Variants in SLC8A1 observed in about 807,000 individuals in gnomAD.
SLC8A1 encodes the protein solute carrier family 8 member A1, also known as sodium/calcium exchanger 1.
SLC8A1 carries 18 observed loss-of-function variants against 68.3 expected under a neutral mutation model. That is an observed-to-expected ratio of 0.26 (90% CI 0.18 to 0.39). The LOEUF (loss-of-function observed/expected upper bound fraction) is 0.39. SLC8A1 is among the 10% of genes least tolerant of loss of function. The pLI is 1.00. For synonymous variants in SLC8A1, 475 were observed against 415.5 expected, an observed-to-expected ratio of 1.14 and a Z score of -1.74; for missense variants, 985 against 1,156.7, an observed-to-expected ratio of 0.85 and a Z score of 2.15.
intron 2 of SLC8A1, among the ~76,000 whole-genome samples, chr2:40,196,692 T>C (rs2053102988): frequency 6.6e-6 from 1 of 151,988 alleles, no homozygotes; most frequent in South Asian, 2.1e-4. Flanking sequence ...ACAGCAAATA[T>C]CATTAAGGGC....
At chr2:40,218,738 A>AG (rs2057871154) in intron 2 of SLC8A1, among the ~76,000 whole-genome samples, 1 of 151,526 alleles carries the variant, frequency 6.6e-6, no homozygotes, top group Non-Finnish European at 1.5e-5. Flanking sequence ...AAAAAAAAAA[A>AG]ACTAATTAAC....
At chr2:40,200,256 ATATATATAT>A (rs2054103751) in intron 2 of SLC8A1, among the ~76,000 whole-genome samples, 1 of 82,732 alleles carries the variant, frequency 1.2e-5, no homozygotes, top group African/African-American at 4.8e-5. Context: ...ATATATATAT[ATATATATAT>A]ATAACCTCTT....
At chr2:40,206,028 G>T (rs1332579178) in intron 2 of SLC8A1, among the ~76,000 whole-genome samples, 1 of 151,884 alleles carries the variant, frequency 6.6e-6, no homozygotes, top group Non-Finnish European at 1.5e-5. Context: ...TTAATGAAAA[G>T]ATTTGATTGG....
chr2:40,412,787 C>T (rs954906661), intron 2 of SLC8A1, among the ~76,000 whole-genome samples: 5 of 152,138 alleles, frequency 3.3e-5, no homozygotes, highest in Admixed American at 6.6e-5. Context: ...AAGACACCAA[C>T]CTCATTTTAC....
chr2:40,218,718 C>T (rs562703067), intron 2 of SLC8A1, among the ~76,000 whole-genome samples: 2 of 115,960 alleles, frequency 1.7e-5, no homozygotes, highest in Non-Finnish European at 4.2e-5. Flanking sequence ...TGAAAACATT[C>T]TTCTGGGGGA....
At chr2:40,114,744 T>A (rs575693710) in exon 8 of SLC8A1, 2 of 152,442 alleles carry the variant, frequency 1.3e-5, no homozygotes, top group East Asian at 3.8e-4. Context: ...CATGCCCAGA[T>A]TTTTTCTTAA....
At chr2:40,314,808 C>T (rs189220633) in intron 2 of SLC8A1, among the ~76,000 whole-genome samples, 9 of 152,064 alleles carry the variant, frequency 5.9e-5, no homozygotes, top group East Asian at 3.9e-4. Flanking sequence ...ATTTGTTTCT[C>T]GTATTTAGAA....
chr2:40,404,183 C>T (rs934866418), intron 2 of SLC8A1, among the ~76,000 whole-genome samples: 1 of 152,182 alleles, frequency 6.6e-6, no homozygotes, highest in African/African-American at 2.4e-5. Flanking sequence ...GCTTCAGCCA[C>T]TGCACCCAGC....
intron 2 of SLC8A1, among the ~76,000 whole-genome samples, chr2:40,428,057 A>G (rs1697332250): frequency 6.6e-6 from 1 of 152,106 alleles, no homozygotes; most frequent in Non-Finnish European, 1.5e-5. Flanking sequence ...GGTTTTCCCA[A>G]TTTGTACTCA....
At chr2:40,227,010 A>G (rs1437121503) in intron 2 of SLC8A1, among the ~76,000 whole-genome samples, 2 of 152,174 alleles carry the variant, frequency 1.3e-5, no homozygotes, top group African/African-American at 4.8e-5. Context: ...ACATTACTTG[A>G]TGGGACTCAC....
chr2:40,214,267 T>C (rs749423518), intron 2 of SLC8A1, among the ~76,000 whole-genome samples: 3 of 152,132 alleles, frequency 2.0e-5, no homozygotes, highest in Non-Finnish European at 4.4e-5. Flanking sequence ...TCACAGTCTC[T>C]GGAGTCTGCT....
intron 2 of SLC8A1, chr2:40,209,317 T>G (rs1320574710): frequency 6.6e-6 from 1 of 152,156 alleles, no homozygotes; most frequent in African/African-American, 2.4e-5. Flanking sequence ...GCAAAGACAG[T>G]CCAGACAGTA....
intron 1 of SLC8A1, among the ~76,000 whole-genome samples, chr2:40,431,234 C>G (rs913116260): frequency 1.3e-5 from 2 of 151,864 alleles, no homozygotes; most frequent in Non-Finnish European, 2.9e-5. Context: ...GCGTCACCAA[C>G]CTTAAAATGT....
At chr2:40,242,080 A>T (rs1215815256) in intron 2 of SLC8A1, among the ~76,000 whole-genome samples, 1 of 152,118 alleles carries the variant, frequency 6.6e-6, no homozygotes, top group Non-Finnish European at 1.5e-5. Context: ...CATTTTGACT[A>T]AATATATTGT....
At chr2:40,247,434 A>ATGTGTGTGTG (rs3059492) in intron 2 of SLC8A1, among the ~76,000 whole-genome samples, 1 of 150,626 alleles carries the variant, frequency 6.6e-6, no homozygotes, top group African/African-American at 2.4e-5. Context: ...CAGCATATAT[A>ATGTGTGTGTG]TGTGTGTGTG....
rs538562776 is a variant in SLC8A1, at chr2:40,418,374, ACAAAGGGT to A, written c.1808+10091_1808+10098del. On this transcript the variant is annotated intron_variant, in intron 2 of 7. Coordinates refer to ENST00000406785, the Ensembl canonical transcript of SLC8A1. The stretch of plus-strand genomic sequence containing the variant: ...GCTTATAGCATCCCAGAAACAACCC[ACAAAGGGT>A]TCTTCTTTGCATAATACAACAGCTC... 3.3e-5 allele frequency among the ~76,000 whole-genome samples: 5 copies of A among 152,274 alleles called. No individual in the cohort carries two copies. The South Asian group carries it at 1.0e-3, about 32-fold the overall frequency.
intron 2 of SLC8A1, among the ~76,000 whole-genome samples, chr2:40,383,928 G>A (rs759981759): frequency 6.6e-6 from 1 of 152,074 alleles, no homozygotes; most frequent in African/African-American, 2.4e-5. Flanking sequence ...TCTGGTAACA[G>A]GGCATCTGCG....
chr2:40,292,529 T>C (rs2069515210), intron 2 of SLC8A1, among the ~76,000 whole-genome samples: 1 of 152,188 alleles, frequency 6.6e-6, no homozygotes, highest in Non-Finnish European at 1.5e-5. Context: ...TTTACATGAT[T>C]ATCCATCATG....
chr2:40,373,167 G>A (rs1460136626), intron 2 of SLC8A1, among the ~76,000 whole-genome samples: 2 of 66,622 alleles, frequency 3.0e-5, no homozygotes, highest in African/African-American at 1.9e-4. Context: ...TTCTTACCAG[G>A]TTTTGTGTTG....
Sources: gnomAD v4.1 joint callset for allele counts (sites outside exome capture counted in the v4.1 genomes callset) on GRCh38, gnomAD v4.1.1 for gene constraint, MANE v1.5 for transcripts, NCBI Gene and HGNC (gene_info 2026-07-23, HGNC 2026-07-21) for gene names.